ZBTB7C: variants seen among roughly 807,000 people sequenced by gnomAD.
ZBTB7C encodes the protein zinc finger and BTB domain containing 7C, also known as zinc finger and BTB domain-containing protein 7C.
Under a neutral mutation model 25.7 loss-of-function variants are expected in ZBTB7C, and 8 were observed. The ratio of observed to expected loss-of-function variants is 0.31; its 90% CI spans 0.18 to 0.56. ZBTB7C has a LOEUF of 0.56. Among genes scored for constraint, ZBTB7C ranks in the 20% least tolerant of loss-of-function variants. ZBTB7C has a pLI of 0.91. For synonymous variants in ZBTB7C, 394 were observed against 369.0 expected (o/e 1.07, Z -0.78); for missense variants, 824 against 855.2 (o/e 0.96, Z 0.46).
intron 3 of ZBTB7C, among the ~76,000 whole-genome samples, chr18:48,181,364 C>G (rs2041917271): frequency 6.6e-6 from 1 of 152,206 alleles, no homozygotes; most frequent in South Asian, 2.1e-4. Context: ...CATTTTACCA[C>G]CTGGCAGACC....
chr18:48,317,870 A>G (rs2045987135), intron 2 of ZBTB7C, among the ~76,000 whole-genome samples: 1 of 151,854 alleles, frequency 6.6e-6, no homozygotes, highest in South Asian at 2.1e-4. Flanking sequence ...GGGCCAGGGC[A>G]TCAGAATTTC....
rs2035563803 is a variant in ZBTB7C at position 48,027,487 on chromosome 18, A to ATTTTC, written c.*1772_*1773insGAAAA. 1.3e-5 allele frequency: 2 copies of ATTTTC among 152,174 alleles called. No homozygotes were observed. The highest frequency in any genetic ancestry group is 6.5e-5 in the Admixed American group (1 of 15,274). The allele number at this position is 152,174 out of a possible 1,614,324, so 9.4% of individuals were successfully genotyped here. A position where few individuals can be genotyped will look rare whatever the true frequency, so the allele number is the denominator to read the frequency against. On this transcript the variant is annotated 3_prime_UTR_variant, in exon 5 of 5. Transcript: ENST00000590800. ...GCTTCAGAGAAAAGTGTCTGAAACG[A>ATTTTC]AGACAGGAATCTGAGAGGCGGCTGC...
At chr18:48,030,433 G>A (rs886403485) in intron 4 of ZBTB7C, among the ~76,000 whole-genome samples, 3 of 152,160 alleles carry the variant, frequency 2.0e-5, no homozygotes, top group African/African-American at 7.2e-5. Context: ...ACTAATCTGG[G>A]AGGCTATAGA....
intron 2 of ZBTB7C, among the ~76,000 whole-genome samples, chr18:48,318,214 CAA>C (rs374796051): frequency 1.3e-5 from 2 of 148,746 alleles, no homozygotes; most frequent in Non-Finnish European, 3.0e-5. Flanking sequence ...CAAAACAAAA[CAA>C]AAAAAAAACC....
intron 1 of ZBTB7C, chr18:48,350,519 T>G (rs1598929326): frequency 6.6e-6 from 1 of 152,206 alleles, no homozygotes; most frequent in East Asian, 1.9e-4. Flanking sequence ...GCAAAGCCCC[T>G]GTGTCACATA....
At chr18:48,222,469 T>C (rs767172899) in intron 2 of ZBTB7C, among the ~76,000 whole-genome samples, 10 of 152,128 alleles carry the variant, frequency 6.6e-5, no homozygotes, top group Non-Finnish European at 1.5e-4. Context: ...ACAATAGTCC[T>C]CCACATTTCA....
intron 3 of ZBTB7C, among the ~76,000 whole-genome samples, chr18:48,098,700 C>A (rs141962366): frequency 2.6e-5 from 4 of 152,322 alleles, no homozygotes; most frequent in African/African-American, 9.6e-5. Flanking sequence ...CATAAACCAA[C>A]CAATGAGTTC....
intron 3 of ZBTB7C, among the ~76,000 whole-genome samples, chr18:48,054,333 C>T (rs987902456): frequency 1.3e-5 from 2 of 152,188 alleles, no homozygotes; most frequent in African/African-American, 4.8e-5. Context: ...AGCCGCTCTG[C>T]ATTATTCACG....
At chr18:48,137,607 G>A (rs767928305) in intron 3 of ZBTB7C, among the ~76,000 whole-genome samples, 1 of 152,200 alleles carries the variant, frequency 6.6e-6, no homozygotes, top group Non-Finnish European at 1.5e-5. Flanking sequence ...ACAGGGTCGT[G>A]AGTGTAACTT....
chr18:48,367,358 A>ATATG (rs1299959414), intron 1 of ZBTB7C, among the ~76,000 whole-genome samples: 18 of 133,580 alleles, frequency 1.3e-4, no homozygotes, highest in Admixed American at 6.0e-4. Flanking sequence ...ATATATATAT[A>ATATG]TATATATATA....
intron 2 of ZBTB7C, among the ~76,000 whole-genome samples, chr18:48,212,467 G>A (rs568435615): frequency 1.3e-5 from 2 of 152,014 alleles, no homozygotes; most frequent in Non-Finnish European, 2.9e-5. Context: ...GAACCCTAAT[G>A]TAAACTATGG....
chr18:48,329,944 T>C (rs544203759), intron 2 of ZBTB7C, among the ~76,000 whole-genome samples: 21 of 152,300 alleles, frequency 1.4e-4, no homozygotes, highest in African/African-American at 4.8e-4. Flanking sequence ...CATGTTACAC[T>C]TGCGGACAGC....
chr18:48,126,235 A>T (rs1161976254), intron 3 of ZBTB7C, among the ~76,000 whole-genome samples: 1 of 152,140 alleles, frequency 6.6e-6, no homozygotes, highest in Non-Finnish European at 1.5e-5. Context: ...CTTCACTATC[A>T]TTGGTAAGTG....
At chr18:48,181,843 A>T (rs1241109517) in intron 3 of ZBTB7C, among the ~76,000 whole-genome samples, 1 of 152,238 alleles carries the variant, frequency 6.6e-6, no homozygotes, top group African/African-American at 2.4e-5. Flanking sequence ...AGATGTGTCT[A>T]CTAAAAACAA....
intron 1 of ZBTB7C, among the ~76,000 whole-genome samples, chr18:48,373,605 C>G (rs2047441216): frequency 6.6e-6 from 1 of 152,168 alleles, no homozygotes; most frequent in Non-Finnish European, 1.5e-5. Flanking sequence ...TCATAAATGG[C>G]TTGGACCATC....
At chr18:48,055,286 T>C (rs2036866474) in intron 3 of ZBTB7C, among the ~76,000 whole-genome samples, 1 of 151,168 alleles carries the variant, frequency 6.6e-6, no homozygotes, top group Non-Finnish European at 1.5e-5. Context: ...GGCAGGTGCA[T>C]ATAATCCCAG....
At chr18:48,324,727 A>T (rs1342027671) in intron 2 of ZBTB7C, among the ~76,000 whole-genome samples, 31 of 152,206 alleles carry the variant, frequency 2.0e-4, no homozygotes. Flanking sequence ...AGAGAATGAC[A>T]TGCTCAGATA....
chr18:48,385,500 A>G (rs1015980590), intron 1 of ZBTB7C, among the ~76,000 whole-genome samples: 3 of 152,110 alleles, frequency 2.0e-5, no homozygotes, highest in Non-Finnish European at 4.4e-5. Context: ...ATTTGGGGGT[A>G]CAGCTGGAGA....
intron 1 of ZBTB7C, among the ~76,000 whole-genome samples, chr18:48,366,391 C>G (rs568005481): frequency 1.4e-4 from 22 of 152,258 alleles, no homozygotes; most frequent in African/African-American, 5.1e-4. Flanking sequence ...GAATGACTTT[C>G]AAAACATGAC....
Sources: gnomAD v4.1 joint callset for allele counts (sites outside exome capture counted in the v4.1 genomes callset) on GRCh38, gnomAD v4.1.1 for gene constraint, MANE v1.5 for transcripts, NCBI Gene and HGNC (gene_info 2026-07-23, HGNC 2026-07-21) for gene names.